Variants in LPP observed in about 807,000 individuals in gnomAD.
The protein encoded by LPP is lipoma-preferred partner.
In LPP, 38 loss-of-function variants were observed where a neutral mutation model predicts 60.4. The observed-to-expected ratio is 0.63, with a 90% confidence interval of 0.49 to 0.83. LPP has a LOEUF of 0.83. Among genes scored for constraint, LPP ranks in the 40% least tolerant of loss-of-function variants. The pLI is 0.00. For synonymous variants in LPP, 328 were observed against 290.8 expected, an observed-to-expected ratio of 1.13 and a Z score of -1.30; for missense variants, 902 against 783.6, an observed-to-expected ratio of 1.15 and a Z score of -1.80.
At chr3:188,266,355 G>T (rs904012518) in intron 2 of LPP, among the ~76,000 whole-genome samples, 6 of 152,090 alleles carry the variant, frequency 3.9e-5, no homozygotes, top group Non-Finnish European at 5.9e-5. Context: ...GCTTTCTGCC[G>T]CACAGACAGA....
chr3:188,404,053 C>T (rs902786155), intron 3 of LPP, among the ~76,000 whole-genome samples: 5 of 152,138 alleles, frequency 3.3e-5, no homozygotes, highest in South Asian at 2.1e-4. Flanking sequence ...ATGTTATCCT[C>T]GTCTTTTAAG....
chr3:188,225,767 G>A (rs891386026), intron 2 of LPP, among the ~76,000 whole-genome samples: 2 of 152,196 alleles, frequency 1.3e-5, no homozygotes, highest in African/African-American at 4.8e-5. Context: ...TCAGCTCTTG[G>A]AAGGTGGTAG....
intron 7 of LPP, among the ~76,000 whole-genome samples, chr3:188,660,978 A>G (rs1854452550): frequency 1.3e-5 from 2 of 152,132 alleles, no homozygotes; most frequent in Non-Finnish European, 1.5e-5. Flanking sequence ...GCCCCTAAGA[A>G]TTATCCTTGC....
chr3:188,399,921 T>G (rs1324983183), intron 3 of LPP, among the ~76,000 whole-genome samples: 1 of 152,242 alleles, frequency 6.6e-6, no homozygotes, highest in Non-Finnish European at 1.5e-5. Context: ...GACATTCACA[T>G]GGTATCCTGA....
chr3:188,250,499 A>G (rs1043906210), intron 2 of LPP, among the ~76,000 whole-genome samples: 1 of 152,214 alleles, frequency 6.6e-6, no homozygotes, highest in Non-Finnish European at 1.5e-5. Context: ...TTATTAAGCT[A>G]TCCATGGGGA....
At chr3:188,701,329 C>G (rs1374671865) in intron 7 of LPP, among the ~76,000 whole-genome samples, 1 of 146,548 alleles carries the variant, frequency 6.8e-6, no homozygotes, top group African/African-American at 2.5e-5. Flanking sequence ...GGGCCCCTAG[C>G]AAGAAAAGAG....
chr3:188,498,825 T>A (rs1458197869), intron 5 of LPP, among the ~76,000 whole-genome samples: 3 of 152,198 alleles, frequency 2.0e-5, no homozygotes, highest in African/African-American at 7.2e-5. Context: ...CTGTTTTTTG[T>A]CTCGATAATA....
chr3:188,612,752 G>T (rs535653506), intron 7 of LPP, among the ~76,000 whole-genome samples: 1 of 152,048 alleles, frequency 6.6e-6, no homozygotes, highest in Non-Finnish European at 1.5e-5. Flanking sequence ...GGGGAGTTTG[G>T]CATTTAACCC....
At chr3:188,467,983 A>C (rs1282154268) in intron 4 of LPP, among the ~76,000 whole-genome samples, 1 of 152,222 alleles carries the variant, frequency 6.6e-6, no homozygotes, top group Non-Finnish European at 1.5e-5. Flanking sequence ...ACGAATACAC[A>C]CAATATCATG....
chr3:188,688,200 C>T (rs1174818605), intron 7 of LPP, among the ~76,000 whole-genome samples: 2 of 152,158 alleles, frequency 1.3e-5, no homozygotes, highest in Non-Finnish European at 2.9e-5. Context: ...TTTGGCACAG[C>T]TCATATTCTG....
chr3:188,862,741 G>T (rs201783802), intron 9 of LPP, among the ~76,000 whole-genome samples: 1,098 of 105,634 alleles, frequency 0.01, 87 homozygotes, highest in African/African-American at 0.04. Context: ...ATAAATAAAA[G>T]AAAAAAGAAA....
intron 9 of LPP, among the ~76,000 whole-genome samples, chr3:188,806,445 A>G (rs867975872): frequency 6.6e-6 from 1 of 151,840 alleles, no homozygotes; most frequent in African/African-American, 2.4e-5. Flanking sequence ...ATCAATGTCT[A>G]TATAATTGAA....
At chr3:188,747,152 T>C (rs1726502541) in intron 8 of LPP, among the ~76,000 whole-genome samples, 1 of 152,278 alleles carries the variant, frequency 6.6e-6, no homozygotes, top group Middle Eastern at 3.4e-3. Context: ...CTTTCATTGG[T>C]CCAGAAAGTG....
chr3:188,790,198 A>G (rs1476601697), intron 9 of LPP, among the ~76,000 whole-genome samples: 1 of 152,196 alleles, frequency 6.6e-6, no homozygotes, highest in Non-Finnish European at 1.5e-5. Flanking sequence ...TATCAGAAAA[A>G]TAAGACAAAT....
chr3:188,776,010 T>C (rs779035662), intron 9 of LPP, among the ~76,000 whole-genome samples: 1 of 152,188 alleles, frequency 6.6e-6, no homozygotes, highest in Admixed American at 6.5e-5. Context: ...TTAAGAGACA[T>C]TGAGTGAGCA....
chr3:188,620,824 T>C (rs1472755069), intron 7 of LPP, among the ~76,000 whole-genome samples: 2 of 152,236 alleles, frequency 1.3e-5, no homozygotes, highest in African/African-American at 2.4e-5. Context: ...TTTATTCATA[T>C]TATGTGTCTA....
chr3:188,616,794 GT>G (rs1015565632), intron 7 of LPP, among the ~76,000 whole-genome samples: 2 of 152,014 alleles, frequency 1.3e-5, no homozygotes, highest in African/African-American at 4.8e-5. Context: ...ACATATCATA[GT>G]TTTGCATATA....
chr3:188,535,740 A>G (rs887093596), intron 6 of LPP, among the ~76,000 whole-genome samples: 4 of 152,206 alleles, frequency 2.6e-5, no homozygotes, highest in Admixed American at 6.5e-5. Flanking sequence ...TGATGTTATC[A>G]TGAGGTATAA....
chr3:188,377,752 G>A (rs1248448913), intron 3 of LPP, among the ~76,000 whole-genome samples: 2 of 152,218 alleles, frequency 1.3e-5, no homozygotes, highest in Non-Finnish European at 2.9e-5. Context: ...CTGGTGAGGA[G>A]CTGTGTTCCT....
Sources: gnomAD v4.1 joint callset for allele counts (sites outside exome capture counted in the v4.1 genomes callset) on GRCh38, gnomAD v4.1.1 for gene constraint, MANE v1.5 for transcripts, NCBI Gene and HGNC (gene_info 2026-07-23, HGNC 2026-07-21) for gene names.